Variants in DAAM1 observed in about 807,000 individuals in gnomAD.
The protein encoded by DAAM1 is dishevelled associated activator of morphogenesis 1, also known as disheveled-associated activator of morphogenesis 1.
In DAAM1, 52 loss-of-function variants were observed where a neutral mutation model predicts 130.0. The ratio of observed to expected loss-of-function variants is 0.40; its 90% CI spans 0.32 to 0.50. The LOEUF (loss-of-function observed/expected upper bound fraction) is 0.50, where lower values mean the gene tolerates loss of function less well. DAAM1 is among the 20% of genes least tolerant of loss of function. The pLI is 0.61. For synonymous variants in DAAM1, 452 were observed against 444.5 expected, an observed-to-expected ratio of 1.02 and a Z score of -0.21; for missense variants, 1,134 against 1,303.8, an observed-to-expected ratio of 0.87 and a Z score of 2.01.
Position 59,311,568 on chromosome 14 carries a change from A to G in DAAM1, c.274-3712A>G, listed in dbSNP as rs1030234650. On this transcript the variant is annotated intron_variant, in intron 3 of 24. Transcript: ENST00000360909. ...AAGTTTATAAGTTAAAAAAAAAAAA[A>G]AAGAAAACCTTCCCTTCTGTTATCC... Among the ~76,000 whole-genome samples, 9 of 152,118 alleles carry G rather than the reference A, an allele frequency of 5.9e-5. No individual in the cohort carries two copies. The South Asian group carries it at 1.9e-3, about 32-fold the overall frequency.
chr14:59,311,473 G>C (rs1005637533), intron 3 of DAAM1, among the ~76,000 whole-genome samples: 2 of 151,296 alleles, frequency 1.3e-5, no homozygotes, highest in Non-Finnish European at 2.9e-5. Flanking sequence ...AATGCATAAT[G>C]CTTTAGAACT....
chr14:59,210,044 A>G (rs1489327784), intron 1 of DAAM1, among the ~76,000 whole-genome samples: 2 of 152,088 alleles, frequency 1.3e-5, no homozygotes, highest in Non-Finnish European at 2.9e-5. Flanking sequence ...GTGTGGGCTG[A>G]GGTGGGAGGA....
At chr14:59,366,958 G>A (rs1175381790) in intron 23 of DAAM1, among the ~76,000 whole-genome samples, 1 of 151,296 alleles carries the variant, frequency 6.6e-6, no homozygotes, top group African/African-American at 2.4e-5. Context: ...ATTCCAGCCT[G>A]GGCAACATGT....
At chr14:59,197,592 T>C (rs908348550) in intron 1 of DAAM1, among the ~76,000 whole-genome samples, 1 of 152,240 alleles carries the variant, frequency 6.6e-6, no homozygotes, top group Non-Finnish European at 1.5e-5. Flanking sequence ...CTTCCAACTA[T>C]GGAAGTTCTA....
intron 20 of DAAM1, among the ~76,000 whole-genome samples, chr14:59,357,977 C>T (rs1187878037): frequency 3.3e-5 from 5 of 152,180 alleles, no homozygotes; most frequent in Non-Finnish European, 5.9e-5. Context: ...AACTCTGATT[C>T]ATTTTGGTTA....
At chr14:59,321,612 T>C (rs1475726906) in intron 5 of DAAM1, among the ~76,000 whole-genome samples, 2 of 152,246 alleles carry the variant, frequency 1.3e-5, no homozygotes, top group Non-Finnish European at 2.9e-5. Flanking sequence ...GTACATTACA[T>C]GAGCACAGGT....
chr14:59,261,780 T>A (rs1882167548), intron 1 of DAAM1, among the ~76,000 whole-genome samples: 1 of 152,230 alleles, frequency 6.6e-6, no homozygotes, highest in African/African-American at 2.4e-5. Context: ...GGAGTTGGAT[T>A]ATCTGATTTG....
chr14:59,287,675 C>T (rs538913352), intron 2 of DAAM1, among the ~76,000 whole-genome samples: 3 of 152,080 alleles, frequency 2.0e-5, no homozygotes, highest in Non-Finnish European at 4.4e-5. Context: ...ATTCCACTTA[C>T]AATAGCTTCA....
intron 24 of DAAM1, 84 bp from the exon 25 acceptor site, chr14:59,368,566 C>A: frequency 7.3e-7 from 1 of 1,377,316 alleles, no homozygotes; most frequent in Non-Finnish European, 9.9e-7. Flanking sequence ...GGAGCATTAC[C>A]ATATTTCAAG....
At chr14:59,366,672 G>A (rs1886929028) in intron 23 of DAAM1, among the ~76,000 whole-genome samples, 1 of 152,160 alleles carries the variant, frequency 6.6e-6, no homozygotes, top group Non-Finnish European at 1.5e-5. Context: ...AAGCTGAGGA[G>A]TATTACAATT....
intron 1 of DAAM1, among the ~76,000 whole-genome samples, chr14:59,220,955 A>G (rs1341734326): frequency 6.6e-6 from 1 of 152,244 alleles, no homozygotes; most frequent in Non-Finnish European, 1.5e-5. Flanking sequence ...ACACTCTCAC[A>G]GACACACCCA....
chr14:59,324,844 C>G (rs1885147388), intron 8 of DAAM1, among the ~76,000 whole-genome samples: 1 of 152,132 alleles, frequency 6.6e-6, no homozygotes, highest in African/African-American at 2.4e-5. Flanking sequence ...ACTATAAAAC[C>G]TATGGAATTA....
intron 2 of DAAM1, among the ~76,000 whole-genome samples, chr14:59,276,966 T>C (rs1882997827): frequency 6.6e-6 from 1 of 152,214 alleles, no homozygotes; most frequent in South Asian, 2.1e-4. Context: ...TTTGTATGTA[T>C]GTAAAGAGTT....
In DAAM1 at chr14:59,330,808, T is replaced by A; in HGVS notation, c.1560+120T>A. 2.8e-6 allele frequency: 3 copies of A among 1,060,150 alleles called. No homozygotes were observed. In the South Asian group the frequency reaches 5.8e-5, roughly 20 times the overall value. 65.7% of individuals were successfully genotyped at this position (1,060,150 alleles called of 1,614,324 possible). A position where few individuals can be genotyped will look rare whatever the true frequency, so the allele number is the denominator to read the frequency against. On this transcript the variant is annotated intron_variant, in intron 13 of 24. Transcript: ENST00000360909. ...AAAATCTGAAATGGCTCATGATTCATCACAATTAGGAGACTCACTCCCTCT... is the reference window on the plus strand; with the variant it reads ...AAAATCTGAAATGGCTCATGATTCAACACAATTAGGAGACTCACTCCCTCT...
Position 59,367,567 on chromosome 14 carries a change from G to A in DAAM1, c.2965G>A (p.Glu989Lys). Residue 989 changes from glutamate (E) to lysine (K), a missense_variant, in exon 24 of 25, where the codon GAA (glutamate) becomes AAA (lysine). Coordinates refer to ENST00000360909, the MANE Select transcript of DAAM1 (RefSeq NM_001270520.2). Reference sequence around the variant, plus strand: ...CGAAAATATGAGAAAGAAAAAGGAGGAAGAAGAACGTCGAGCTCGCATGGA... The same window carrying A: ...CGAAAATATGAGAAAGAAAAAGGAGAAAGAAGAACGTCGAGCTCGCATGGA... ...ENENMRKKKE[E>K]EERRARMEAQ... 1 of 1,613,806 alleles carries A rather than the reference G, an allele frequency of 6.2e-7. No individual in the cohort carries two copies. The highest frequency in any genetic ancestry group is 8.5e-7 in the Non-Finnish European group (1 of 1,179,864).
At chr14:59,288,351 A>G (rs956068483) in intron 2 of DAAM1, among the ~76,000 whole-genome samples, 9 of 152,234 alleles carry the variant, frequency 5.9e-5, no homozygotes, top group African/African-American at 1.7e-4. Context: ...CATTCTGCAC[A>G]TCAGCTTTGG....
chr14:59,324,019 A>C (rs1885115303), intron 6 of DAAM1, 109 bp from the exon 7 acceptor site: 1 of 666,396 alleles, frequency 1.5e-6, no homozygotes, highest in Non-Finnish European at 2.2e-6. Flanking sequence ...GCAACAGAGC[A>C]AGACTCCGTC....
chr14:59,259,874 C>T (rs886932511), intron 1 of DAAM1, among the ~76,000 whole-genome samples: 1 of 152,132 alleles, frequency 6.6e-6, no homozygotes, highest in Admixed American at 6.5e-5. Context: ...GAAACCCCAT[C>T]TCTACTAAAA....
rs1887117118 is a variant in DAAM1, at chr14:59,370,354, G to C, written c.*1495G>C. 6.6e-6 allele frequency: 1 copy of C among 151,630 alleles called. No homozygotes were observed. Among genetic ancestry groups the C allele is most frequent in the Non-Finnish European group, 1.5e-5 (1 of 67,874 alleles). 9.4% of individuals were successfully genotyped at this position (151,630 alleles called of 1,614,324 possible). On this transcript the variant is annotated 3_prime_UTR_variant, in exon 25 of 25. Transcript: ENST00000360909. ...TTTATTAAGTTCCTACTATGTACCA[G>C]GCATAGTAGGGCTACAATGGTAAGC... is the stretch of plus-strand genomic sequence containing the variant.
Sources: allele counts gnomAD v4.1 joint callset (sites outside exome capture counted in the v4.1 genomes callset), GRCh38; gene constraint gnomAD v4.1.1; transcripts MANE v1.5; gene names NCBI Gene and HGNC (gene_info 2026-07-23, HGNC 2026-07-21).